GALNTL6: variants seen among roughly 807,000 people sequenced by gnomAD.
The protein encoded by GALNTL6 is polypeptide N-acetylgalactosaminyltransferase-like 6.
In GALNTL6, 46 loss-of-function variants were observed where a neutral mutation model predicts 73.7. The observed-to-expected ratio is 0.62, with a 90% CI of 0.49 to 0.80. GALNTL6 has a LOEUF of 0.80. Among genes scored for constraint, GALNTL6 ranks in the 30% least tolerant of loss-of-function variants. The pLI is 0.00. For synonymous variants in GALNTL6, 259 were observed against 263.7 expected (o/e 0.98, Z 0.17); for missense variants, 604 against 755.0 (o/e 0.80, Z 2.34).
At chr4:172,331,172 T>A in intron 4 of GALNTL6, among the ~76,000 whole-genome samples, 1 of 152,088 alleles carries the variant, frequency 6.6e-6, no homozygotes, top group East Asian at 1.9e-4. Flanking sequence ...GGTTGATTTT[T>A]AAAACTTTAT....
At chr4:172,022,625 C>T (rs1336832463) in intron 2 of GALNTL6, among the ~76,000 whole-genome samples, 1 of 151,976 alleles carries the variant, frequency 6.6e-6, no homozygotes, top group Non-Finnish European at 1.5e-5. Context: ...TACCTTTCAT[C>T]ACTATTCACC....
intron 12 of GALNTL6, among the ~76,000 whole-genome samples, chr4:173,030,837 C>CA (rs34361684): frequency 0.029 from 3,256 of 111,850 alleles, 117 homozygotes; most frequent in African/African-American, 0.084. Context: ...CTGTCTCTAC[C>CA]AAAAAAAAAA....
At chr4:172,398,347 A>C (rs1743921983) in intron 5 of GALNTL6, among the ~76,000 whole-genome samples, 1 of 152,224 alleles carries the variant, frequency 6.6e-6, no homozygotes, top group South Asian at 2.1e-4. Flanking sequence ...CTGATCTTTC[A>C]TTAATAAAAT....
chr4:172,182,489 A>G (rs190774799), intron 2 of GALNTL6, among the ~76,000 whole-genome samples: 44 of 150,998 alleles, frequency 2.9e-4, no homozygotes, highest in Middle Eastern at 3.4e-3. Flanking sequence ...TTGAGATGGG[A>G]TATATTTAAA....
intron 5 of GALNTL6, among the ~76,000 whole-genome samples, chr4:172,763,925 A>G (rs561279140): frequency 6.6e-6 from 1 of 152,214 alleles, no homozygotes; most frequent in Non-Finnish European, 1.5e-5. Context: ...AATATTACTA[A>G]TAATCAAAAA....
At chr4:172,263,736 T>C (rs12647968) in intron 3 of GALNTL6, among the ~76,000 whole-genome samples, 18,993 of 151,618 alleles carry the variant, frequency 0.13, 1,286 homozygotes, top group East Asian at 0.3. Flanking sequence ...TTTTTTATTT[T>C]CTTATTTTAA....
chr4:171,814,987 G>T lies in GALNTL6; in HGVS notation c.138+269G>T, dbSNP rs1366107494. The T allele has an allele frequency of 5.7e-6, 3 of 528,248 alleles. No individual in the cohort carries two copies. The Admixed American group carries it at 1.0e-4, about 18-fold the overall frequency. The allele number at this position is 528,248 out of a possible 1,614,324, so 32.7% of individuals were successfully genotyped here. A position where few individuals can be genotyped will look rare whatever the true frequency, so the allele number is the denominator to read the frequency against. ...AATCTTTCACCATTGGTCTTAGGTTGATTTTGACTTGAGGTGGATGAAAGG... is the reference window on the plus strand; with the variant it reads ...AATCTTTCACCATTGGTCTTAGGTTTATTTTGACTTGAGGTGGATGAAAGG... On this transcript the variant is annotated intron_variant, in intron 2 of 12. Coordinates refer to ENST00000506823, the MANE Select transcript of GALNTL6 (RefSeq NM_001034845.3).
At chr4:172,001,436 C>G (rs1300393869) in intron 2 of GALNTL6, among the ~76,000 whole-genome samples, 1 of 152,068 alleles carries the variant, frequency 6.6e-6, no homozygotes, top group Non-Finnish European at 1.5e-5. Flanking sequence ...GATATTCAGA[C>G]AGAACTTGCT....
At chr4:171,949,270 C>T (rs772160931) in intron 2 of GALNTL6, among the ~76,000 whole-genome samples, 1 of 152,148 alleles carries the variant, frequency 6.6e-6, no homozygotes, top group Non-Finnish European at 1.5e-5. Context: ...AAACAACAAA[C>T]CTTACATAGC....
At chr4:172,499,175 T>A (rs1734173622) in intron 5 of GALNTL6, among the ~76,000 whole-genome samples, 1 of 152,194 alleles carries the variant, frequency 6.6e-6, no homozygotes, top group Non-Finnish European at 1.5e-5. Context: ...AGTTTGCATG[T>A]CTCCAAAATT....
intron 2 of GALNTL6, among the ~76,000 whole-genome samples, chr4:172,048,068 T>A (rs1742269394): frequency 6.6e-6 from 1 of 152,118 alleles, no homozygotes; most frequent in Non-Finnish European, 1.5e-5. Flanking sequence ...TTTATCTTTC[T>A]CTTATCTTCA....
intron 5 of GALNTL6, among the ~76,000 whole-genome samples, chr4:172,475,096 T>C (rs1229827214): frequency 6.6e-6 from 1 of 152,208 alleles, no homozygotes; most frequent in African/African-American, 2.4e-5. Flanking sequence ...ATAAAAGGAA[T>C]AGTTAAATCA....
chr4:172,759,957 C>A (rs963804258), intron 5 of GALNTL6, among the ~76,000 whole-genome samples: 3 of 150,848 alleles, frequency 2.0e-5, no homozygotes, highest in Non-Finnish European at 4.4e-5. Context: ...CTGCCTCAGC[C>A]TCCCCAGTAG....
intron 11 of GALNTL6, among the ~76,000 whole-genome samples, chr4:173,016,773 G>C (rs888233119): frequency 5.9e-5 from 9 of 152,180 alleles, no homozygotes; most frequent in African/African-American, 2.2e-4. Flanking sequence ...ACTATTGGAA[G>C]GGCATGATTG....
At chr4:172,318,534 C>A (rs1409877502) in intron 4 of GALNTL6, among the ~76,000 whole-genome samples, 1 of 152,038 alleles carries the variant, frequency 6.6e-6, no homozygotes, top group Admixed American at 6.5e-5. Context: ...AACCCCGTCT[C>A]TACTAAAAAT....
In GALNTL6 at chr4:172,558,482, C is replaced by G. The variant is rs77123559; in HGVS notation, c.553+209793C>G. Among the ~76,000 whole-genome samples the G allele has an allele frequency of 2.2e-3, 340 of 152,056 alleles. 2 individuals carry two copies. The highest frequency in any genetic ancestry group is 7.8e-3 in the African/African-American group (324 of 41,460). The stretch of plus-strand genomic sequence containing the variant: ...TCCTTACAAGAAGAGGAAGAGACAG[C>G]AGGGATGTGTGTGCACAGAAAAAAG... On this transcript the variant is annotated intron_variant, in intron 5 of 12. Coordinates refer to ENST00000506823, the MANE Select transcript of GALNTL6 (RefSeq NM_001034845.3).
At chr4:172,863,761 C>G (rs975675300) in intron 7 of GALNTL6, among the ~76,000 whole-genome samples, 2 of 152,038 alleles carry the variant, frequency 1.3e-5, no homozygotes, top group African/African-American at 2.4e-5. Context: ...ATTGGGGGAA[C>G]TGTTGAAAAG....
In GALNTL6 at chr4:171,984,593, C is replaced by A. The variant is rs1260973244; in HGVS notation, c.138+169875C>A. ...TGTGTGACAGCCCGCTCTGGAGTTT[C>A]TAAGTCCACAGTTAAATCAACTTAC... On this transcript the variant is annotated intron_variant, in intron 2 of 12. Transcript: ENST00000506823. Among the ~76,000 whole-genome samples the A allele has an allele frequency of 2.0e-5, 3 of 152,086 alleles. No individual in the cohort carries two copies. The South Asian group carries it at 6.2e-4, about 32-fold the overall frequency.
At chr4:171,939,061 T>C (rs1738441233) in intron 2 of GALNTL6, among the ~76,000 whole-genome samples, 1 of 149,274 alleles carries the variant, frequency 6.7e-6, no homozygotes, top group Non-Finnish European at 1.5e-5. Flanking sequence ...ATTTTTTCTT[T>C]GCCTTCACCA....
Sources: allele counts gnomAD v4.1 joint callset (sites outside exome capture counted in the v4.1 genomes callset), GRCh38; gene constraint gnomAD v4.1.1; transcripts MANE v1.5; gene names NCBI Gene and HGNC (gene_info 2026-07-23, HGNC 2026-07-21).